CDH13: variants seen among roughly 807,000 people sequenced by gnomAD.
CDH13 encodes cadherin-13.
CDH13 carries 24 observed loss-of-function variants against 63.8 expected under a neutral mutation model. That is an observed-to-expected ratio of 0.38 (90% confidence interval 0.27 to 0.53). The LOEUF is 0.53. CDH13 is among the 20% of genes least tolerant of loss of function. The pLI is 0.85. For synonymous variants in CDH13, 503 were observed against 355.3 expected (o/e 1.42, Z -4.67); for missense variants, 1,049 against 903.1 (o/e 1.16, Z -2.07).
intron 4 of CDH13, among the ~76,000 whole-genome samples, chr16:83,159,107 T>C (rs2037338312): frequency 6.6e-6 from 1 of 152,208 alleles, no homozygotes; most frequent in South Asian, 2.1e-4. Flanking sequence ...TTGTAGCTTA[T>C]CTATTTTTTT....
At chr16:83,049,278 A>C (rs2030004906) in intron 3 of CDH13, among the ~76,000 whole-genome samples, 2 of 150,322 alleles carry the variant, frequency 1.3e-5, no homozygotes, top group Admixed American at 6.6e-5. Context: ...ATTTTTATAT[A>C]TAATATAAAT....
At chr16:83,201,751 A>G (rs1330964420) in intron 4 of CDH13, among the ~76,000 whole-genome samples, 2 of 151,744 alleles carry the variant, frequency 1.3e-5, no homozygotes, top group Non-Finnish European at 2.9e-5. Flanking sequence ...AATTAAAAAA[A>G]AAAAAAACAC....
At chr16:82,823,782 G>A (rs1251680272) in intron 1 of CDH13, 2 of 152,144 alleles carry the variant, frequency 1.3e-5, no homozygotes, top group African/African-American at 4.8e-5. Flanking sequence ...ATGGGAGGAA[G>A]AAGATGCAGA....
intron 1 of CDH13, among the ~76,000 whole-genome samples, chr16:82,849,241 C>T (rs2039385694): frequency 6.6e-6 from 1 of 152,202 alleles, no homozygotes; most frequent in Non-Finnish European, 1.5e-5. Flanking sequence ...CAGTGGCTCA[C>T]ACCTGTGATT....
intron 8 of CDH13, among the ~76,000 whole-genome samples, chr16:83,617,355 T>C (rs1380881460): frequency 6.6e-6 from 1 of 152,174 alleles, no homozygotes; most frequent in Non-Finnish European, 1.5e-5. Context: ...AGTAATACTC[T>C]ATTATGTATG....
At chr16:83,005,779 A>G (rs1214326377) in intron 2 of CDH13, among the ~76,000 whole-genome samples, 1 of 152,198 alleles carries the variant, frequency 6.6e-6, no homozygotes, top group Non-Finnish European at 1.5e-5. Flanking sequence ...TTGCTCCTTT[A>G]AAAATGTTTA....
chr16:83,088,495 G>C (rs868488286), intron 3 of CDH13, among the ~76,000 whole-genome samples: 2 of 152,116 alleles, frequency 1.3e-5, no homozygotes, highest in Non-Finnish European at 2.9e-5. Flanking sequence ...ACATACTGCT[G>C]CTCTAGGATC....
chr16:83,314,452 G>A (rs1386615530), intron 5 of CDH13, among the ~76,000 whole-genome samples: 1 of 152,082 alleles, frequency 6.6e-6, no homozygotes, highest in Non-Finnish European at 1.5e-5. Context: ...TAGACTTCCA[G>A]GACAGAGCAC....
chr16:83,518,205 C>A (rs183816696), intron 7 of CDH13, among the ~76,000 whole-genome samples: 1 of 150,116 alleles, frequency 6.7e-6, no homozygotes, highest in African/African-American at 2.5e-5. Context: ...AGTGCAGTGG[C>A]GTGATCTTGG....
rs972046491 is a variant in CDH13 at position 82,978,273 on chromosome 16, C to G, written c.158-53737C>G. 1.2e-4 allele frequency among the ~76,000 whole-genome samples: 19 copies of G among 152,268 alleles called. 1 individual carries two copies. The South Asian group carries it at 2.3e-3, about 18-fold the overall frequency. On this transcript the variant is annotated intron_variant, in intron 2 of 13. Transcript: ENST00000567109. ...AAAGTTCAGAAAATTTGTAGCCTGA[C>G]AATGCAATAGAAAAGAAAAACCTAT...
chr16:83,577,901 G>A (rs1421475041), intron 7 of CDH13, among the ~76,000 whole-genome samples: 1 of 152,166 alleles, frequency 6.6e-6, no homozygotes, highest in Non-Finnish European at 1.5e-5. Context: ...ATATCTTGCT[G>A]TATATAATTC....
At chr16:83,411,349 G>T (rs531104506) in intron 6 of CDH13, among the ~76,000 whole-genome samples, 27 of 152,186 alleles carry the variant, frequency 1.8e-4, no homozygotes, top group African/African-American at 5.8e-4. Flanking sequence ...TTCTTTTGAA[G>T]CATTTACCAT....
intron 5 of CDH13, among the ~76,000 whole-genome samples, chr16:83,240,717 CTTT>C (rs56753707): frequency 0.075 from 6,093 of 81,418 alleles, 611 homozygotes; most frequent in East Asian, 0.15. Flanking sequence ...CTGTCTTAAT[CTTT>C]TTTTTTTTTT....
intron 2 of CDH13, among the ~76,000 whole-genome samples, chr16:82,875,790 T>G (rs151242052): frequency 6.6e-6 from 1 of 151,746 alleles, no homozygotes; most frequent in Non-Finnish European, 1.5e-5. Flanking sequence ...AGTAAAGGAG[T>G]GTTAGAATAA....
intron 8 of CDH13, among the ~76,000 whole-genome samples, chr16:83,653,181 G>T (rs1598418518): frequency 6.6e-6 from 1 of 152,096 alleles, no homozygotes; most frequent in South Asian, 2.1e-4. Flanking sequence ...GCTCCTGGGG[G>T]TGGGGCTTCT....
chr16:82,670,736 G>A (rs538734839), intron 1 of CDH13, among the ~76,000 whole-genome samples: 2 of 152,236 alleles, frequency 1.3e-5, no homozygotes, highest in African/African-American at 2.4e-5. Flanking sequence ...TTAATAAATC[G>A]TCTCTTCTAG....
intron 1 of CDH13, among the ~76,000 whole-genome samples, chr16:82,758,226 A>G (rs986063510): frequency 2.0e-5 from 3 of 151,384 alleles, no homozygotes; most frequent in Admixed American, 6.6e-5. Context: ...GAGCTATGAG[A>G]AAAAAAAGGG....
At chr16:83,456,359 A>G (rs1468574314) in intron 6 of CDH13, among the ~76,000 whole-genome samples, 2 of 152,252 alleles carry the variant, frequency 1.3e-5, no homozygotes, top group African/African-American at 4.8e-5. Context: ...TTAGGTAAAG[A>G]GGATACAGAA....
intron 8 of CDH13, among the ~76,000 whole-genome samples, chr16:83,633,185 T>A (rs566639566): frequency 6.6e-6 from 1 of 151,818 alleles, no homozygotes; most frequent in Non-Finnish European, 1.5e-5. Flanking sequence ...TGATTAAGAA[T>A]GCCTCAACCT....
Sources: gnomAD v4.1 joint callset for allele counts (sites outside exome capture counted in the v4.1 genomes callset) on GRCh38, gnomAD v4.1.1 for gene constraint, MANE v1.5 for transcripts, NCBI Gene and HGNC (gene_info 2026-07-23, HGNC 2026-07-21) for gene names.